MED21: variants seen among roughly 807,000 people sequenced by gnomAD.
The protein encoded by MED21 is mediator of RNA polymerase II transcription subunit 21.
In MED21, 9 loss-of-function variants were observed where a neutral mutation model predicts 18.2. That is an observed-to-expected ratio of 0.49 (90% CI 0.30 to 0.86). MED21 has a LOEUF of 0.86. Among genes scored for constraint, MED21 ranks in the 40% least tolerant of loss-of-function variants. The pLI is 0.07. For missense variants in MED21, 150 were observed against 170.9 expected, an observed-to-expected ratio of 0.88 and a Z score of 0.68; for synonymous variants, 73 against 60.5, an observed-to-expected ratio of 1.21 and a Z score of -0.96.
chr12:27,027,464 T>A lies in MED21; in HGVS notation c.258+17T>A, dbSNP rs377096653. ...GCTTTACAGGTAAGCCTCTATTCCT[T>A]TGAGAATTTTACCAGTAATAGAGAA... On this transcript the variant is annotated intron_variant, in intron 3 of 3. Transcript: ENST00000282892. The A allele has an allele frequency of 6.4e-7, 1 of 1,569,634 alleles. No individual in the cohort carries two copies. Among genetic ancestry groups the A allele is most frequent in the Non-Finnish European group, 8.7e-7 (1 of 1,146,826 alleles).
At chr12:27,036,859 AAGT>A (rs1941652933) in intron 2 of MED21, among the ~76,000 whole-genome samples, 1 of 152,138 alleles carries the variant, frequency 6.6e-6, no homozygotes, top group South Asian at 2.1e-4. Flanking sequence ...GTATAGTTTG[AAGT>A]CAGGTAGTGT....
downstream of MED21, among the ~76,000 whole-genome samples, chr12:27,032,063 T>C (rs1290066270): frequency 1.3e-5 from 2 of 152,206 alleles, no homozygotes; most frequent in Non-Finnish European, 2.9e-5. Flanking sequence ...CCCTGGTCCC[T>C]CTTTCTTCTT....
intron 1 of MED21, among the ~76,000 whole-genome samples, chr12:27,023,295 C>CTT (rs1555110734): frequency 4.9e-5 from 3 of 61,358 alleles, no homozygotes; most frequent in African/African-American, 1.3e-4. Context: ...AGTCTTTTTT[C>CTT]TTTTCTTTTT....
intron 1 of MED21, among the ~76,000 whole-genome samples, chr12:27,024,568 G>T (rs896408091): frequency 1.3e-5 from 2 of 152,196 alleles, no homozygotes; most frequent in Admixed American, 6.5e-5. Context: ...CTGCTGGATA[G>T]AAATCTTATT....
rs2136488199 is a variant in MED21, at chr12:27,028,334, G to A, written c.308G>A (p.Cys103Tyr). ...LEEENHEAAT[C>Y]LEDVVYRGDM... ...GAAGAAAACCATGAAGCTGCTACATGTCTGGAGGATGTTGTTTATCGAGGA... is the reference window on the plus strand; with the variant it reads ...GAAGAAAACCATGAAGCTGCTACATATCTGGAGGATGTTGTTTATCGAGGA... Residue 103 changes from cysteine (C) to tyrosine (Y), a missense_variant, in exon 4 of 4, where the codon TGT (cysteine) becomes TAT (tyrosine). Physicochemically the swap from Cys to Tyr is radical, Grantham distance 194. Coordinates refer to ENST00000282892, the MANE Select transcript of MED21 (RefSeq NM_004264.5). 1.9e-6 allele frequency: 3 copies of A among 1,614,156 alleles called. No individual in the cohort carries two copies. In the East Asian group the frequency reaches 6.7e-5, roughly 36 times the overall value.
chr12:27,030,218 AC>A lies in MED21; in HGVS notation c.*1760del. The A allele has an allele frequency of 3.1e-6, 2 of 640,768 alleles. No individual in the cohort carries two copies. Among genetic ancestry groups the A allele is most frequent in the East Asian group, 2.8e-5 (1 of 35,510 alleles). The allele number at this position is 640,768 out of a possible 1,614,324, so 39.7% of individuals were successfully genotyped here. Reference sequence around the variant, plus strand: ...TGTGATCATGGCTCACTGCAGCTTCACCCTGGGTTCAGGTGATCCTCCCACT... The same window carrying A: ...TGTGATCATGGCTCACTGCAGCTTCACCTGGGTTCAGGTGATCCTCCCACT... On this transcript the variant is annotated 3_prime_UTR_variant, in exon 4 of 4. Coordinates refer to ENST00000282892, the MANE Select transcript of MED21 (RefSeq NM_004264.5).
At chr12:27,025,524 ATTGG>A (rs1375873409) in intron 1 of MED21, among the ~76,000 whole-genome samples, 1 of 152,220 alleles carries the variant, frequency 6.6e-6, no homozygotes, top group Non-Finnish European at 1.5e-5. Flanking sequence ...GTGTGAGATA[ATTGG>A]TTGAACTAAG....
At chr12:27,035,988 G>A (rs1941647367) in intron 2 of MED21, among the ~76,000 whole-genome samples, 2 of 152,126 alleles carry the variant, frequency 1.3e-5, no homozygotes, top group Admixed American at 1.3e-4. Context: ...GGTATTTGTA[G>A]TTCTAGATCC....
chr12:27,033,711 A>G (rs1004129109), downstream of MED21, among the ~76,000 whole-genome samples: 3 of 152,202 alleles, frequency 2.0e-5, no homozygotes, highest in African/African-American at 7.2e-5. Flanking sequence ...TAAAATTAAT[A>G]AAGATGAATA....
At chr12:27,036,878 C>T (rs1221304025) in intron 2 of MED21, among the ~76,000 whole-genome samples, 1 of 152,160 alleles carries the variant, frequency 6.6e-6, no homozygotes, top group Non-Finnish European at 1.5e-5. Context: ...AGTGTGATGC[C>T]TCCAGCTTTG....
Position 27,027,450 on chromosome 12 carries a change from A to G in MED21, c.258+3A>G. ...AAGAATCTACAGCTGCTTTACAGGTAAGCCTCTATTCCTTTGAGAATTTTA... is the reference window on the plus strand; with the variant it reads ...AAGAATCTACAGCTGCTTTACAGGTGAGCCTCTATTCCTTTGAGAATTTTA... On this transcript the variant is annotated splice_donor_region_variant and intron_variant, in intron 3 of 3. Transcript: ENST00000282892. The G allele has an allele frequency of 6.2e-7, 1 of 1,602,940 alleles. No homozygotes were observed. The highest frequency in any genetic ancestry group is 8.5e-7 in the Non-Finnish European group (1 of 1,171,278).
chr12:27,028,200 A>G (rs754667978), intron 3 of MED21, 85 bp from the exon 4 acceptor site: 8 of 1,442,100 alleles, frequency 5.5e-6, no homozygotes, highest in Non-Finnish European at 7.3e-6. Context: ...AATGATTGCA[A>G]AGTCATCCAG....
rs866700081 is a variant in MED21 at position 27,028,411 on chromosome 12, C to T, written c.385C>T (p.Gln129Ter). 3 of 1,614,136 alleles carry T rather than the reference C, an allele frequency of 1.9e-6. No homozygotes were observed. In the Admixed American group the frequency reaches 5.0e-5, roughly 27 times the overall value. Reference sequence around the variant, plus strand: ...CGCACTTGCTGATATTGCACAGTCACAGCTGAAGACAAGAAGTGGTACCCA... The same window carrying T: ...CGCACTTGCTGATATTGCACAGTCATAGCTGAAGACAAGAAGTGGTACCCA... ...QSALADIAQSQLKTRSGTHSQ... is the reference protein window; with the variant it reads ...QSALADIAQS The change falls in exon 4 of 4, where the codon CAG (glutamine) becomes TAG (stop). Residue 129 changes from glutamine to a stop codon, truncating the protein, a stop_gained. Transcript: ENST00000282892. LOFTEE classifies it high-confidence loss of function.
At position 27,028,423 on chromosome 12, in the gene MED21, A is replaced by G; in HGVS notation, c.397A>G (p.Arg133Gly). 6 of 1,614,142 alleles carry G rather than the reference A, an allele frequency of 3.7e-6. No homozygotes were observed. In the South Asian group the frequency reaches 4.4e-5, roughly 12 times the overall value. ...TATTGCACAGTCACAGCTGAAGACA[A>G]GAAGTGGTACCCATAGCCAGTCTCT... ...ADIAQSQLKT[R>G]SGTHSQSLPD... Residue 133 changes from arginine to glycine, a missense_variant, in exon 4 of 4, where the codon AGA becomes GGA. Coordinates refer to ENST00000282892, the MANE Select transcript of MED21 (RefSeq NM_004264.5).
At chr12:27,033,061 T>G (rs185053041), downstream of MED21, among the ~76,000 whole-genome samples, 3,016 of 152,332 alleles carry the variant, frequency 0.02, 100 homozygotes, top group African/African-American at 0.068. Flanking sequence ...CTATCTGATC[T>G]TTGAGATGCT....
At chr12:27,024,424 G>C (rs148366043) in intron 1 of MED21, among the ~76,000 whole-genome samples, 7 of 152,232 alleles carry the variant, frequency 4.6e-5, no homozygotes, top group Admixed American at 3.3e-4. Flanking sequence ...TAGTTTTTAA[G>C]CTGAGAGGAC....
Position 27,029,499 on chromosome 12 carries a change from G to A in MED21, c.*1038G>A. ...GGCTGTATTTTTCAGAATATGCTGAGCTACATTTGCTGCAATCTGTTGCTA... is the reference window on the plus strand; with the variant it reads ...GGCTGTATTTTTCAGAATATGCTGAACTACATTTGCTGCAATCTGTTGCTA... On this transcript the variant is annotated 3_prime_UTR_variant, in exon 4 of 4. Transcript: ENST00000282892. 6.1e-6 allele frequency: 6 copies of A among 985,416 alleles called. No homozygotes were observed. The highest frequency in any genetic ancestry group is 7.2e-6 in the Non-Finnish European group (6 of 829,928). 61.0% of individuals were successfully genotyped at this position (985,416 alleles called of 1,614,324 possible). A position where few individuals can be genotyped will look rare whatever the true frequency, so the allele number is the denominator to read the frequency against.
At chr12:27,036,613 G>A (rs9669607) in intron 2 of MED21, among the ~76,000 whole-genome samples, 13,898 of 152,130 alleles carry the variant, frequency 0.091, 801 homozygotes, top group Non-Finnish European at 0.13. Context: ...ATTAATTTTT[G>A]TATAAGCTGT....
chr12:27,034,590 G>C (rs1941638352), downstream of MED21, among the ~76,000 whole-genome samples: 1 of 152,120 alleles, frequency 6.6e-6, no homozygotes. Flanking sequence ...GGGATGGCAG[G>C]CTTATTCCAC....
Sources: gnomAD v4.1 joint callset for allele counts (sites outside exome capture counted in the v4.1 genomes callset) on GRCh38, gnomAD v4.1.1 for gene constraint, MANE v1.5 for transcripts, NCBI Gene and HGNC (gene_info 2026-07-23, HGNC 2026-07-21) for gene names.